The following CDK19 variants were observed in gnomAD, a reference collection of about 807,000 sequenced individuals.
CDK19 encodes the protein cyclin dependent kinase 19, also known as cyclin-dependent kinase 19.
In CDK19, 20 loss-of-function variants were observed where a neutral mutation model predicts 68.3. The observed-to-expected ratio is 0.29, with a 90% CI of 0.21 to 0.43. The LOEUF (loss-of-function observed/expected upper bound fraction) is 0.43, where lower values mean the gene tolerates loss of function less well. Ranked by LOEUF, CDK19 falls within the 20% of genes least tolerant of loss-of-function variation. CDK19 has a pLI of 1.00. For synonymous variants in CDK19, 221 were observed against 222.8 expected, an observed-to-expected ratio of 0.99 and a Z score of 0.07; for missense variants, 339 against 623.5, an observed-to-expected ratio of 0.54 and a Z score of 4.86.
At chr6:110,736,309 C>A (rs942452131) in intron 2 of CDK19, among the ~76,000 whole-genome samples, 1 of 152,142 alleles carries the variant, frequency 6.6e-6, no homozygotes, top group Non-Finnish European at 1.5e-5. Flanking sequence ...CCATTGCACT[C>A]CAGCCTGGGC....
intron 6 of CDK19, among the ~76,000 whole-genome samples, chr6:110,629,784 T>C (rs1779328036): frequency 6.6e-6 from 1 of 152,250 alleles, no homozygotes; most frequent in African/African-American, 2.4e-5. Context: ...TTATTCTTTC[T>C]TTCTGTCTTA....
chr6:110,773,772 A>C (rs1427425227), intron 1 of CDK19: 1 of 152,160 alleles, frequency 6.6e-6, no homozygotes, highest in East Asian at 1.9e-4. Context: ...TTAATGCATC[A>C]TTATAAATTA....
intron 1 of CDK19, among the ~76,000 whole-genome samples, chr6:110,780,508 T>G (rs777489314): frequency 4.6e-5 from 7 of 152,120 alleles, no homozygotes; most frequent in Non-Finnish European, 8.8e-5. Context: ...AAATTTATTT[T>G]AAGACGGTAA....
At chr6:110,688,005 G>A (rs1772634886) in intron 2 of CDK19, among the ~76,000 whole-genome samples, 1 of 152,114 alleles carries the variant, frequency 6.6e-6, no homozygotes, top group East Asian at 1.9e-4. Context: ...TCTCCTCTTT[G>A]AAATGTTCTC....
chr6:110,691,110 C>A (rs568770206), intron 2 of CDK19, among the ~76,000 whole-genome samples: 56 of 152,080 alleles, frequency 3.7e-4, no homozygotes, highest in African/African-American at 1.3e-3. Flanking sequence ...AATGTGAAAA[C>A]CAACATGAAG....
chr6:110,727,987 C>CA (rs34006206), intron 2 of CDK19, among the ~76,000 whole-genome samples: 92,968 of 142,184 alleles, frequency 0.65, 30,761 homozygotes, highest in Admixed American at 0.79. Context: ...GACCCTGTCT[C>CA]AAAAAAAAAA....
chr6:110,725,041 T>C (rs1160432042), intron 2 of CDK19, among the ~76,000 whole-genome samples: 1 of 152,200 alleles, frequency 6.6e-6, no homozygotes, highest in Non-Finnish European at 1.5e-5. Context: ...AAGTACAGAA[T>C]TATTATTGTA....
At chr6:110,622,475 T>C (rs1346295168) in intron 10 of CDK19, among the ~76,000 whole-genome samples, 1 of 152,254 alleles carries the variant, frequency 6.6e-6, no homozygotes, top group Non-Finnish European at 1.5e-5. Flanking sequence ...AGAGGTTTTG[T>C]AGTGCAGTGG....
intron 2 of CDK19, among the ~76,000 whole-genome samples, chr6:110,678,479 TA>T (rs1336183527): frequency 6.6e-6 from 1 of 152,190 alleles, no homozygotes; most frequent in African/African-American, 2.4e-5. Flanking sequence ...TCATTGCAGT[TA>T]TTCAGGCAAA....
chr6:110,761,156 C>T (rs1779203018), intron 1 of CDK19, among the ~76,000 whole-genome samples: 1 of 152,058 alleles, frequency 6.6e-6, no homozygotes, highest in South Asian at 2.1e-4. Context: ...TTTTGTTGCC[C>T]AGGCTGGTCT....
At chr6:110,681,124 T>C (rs537235881) in intron 2 of CDK19, among the ~76,000 whole-genome samples, 13 of 152,312 alleles carry the variant, frequency 8.5e-5, no homozygotes, top group Non-Finnish European at 1.3e-4. Context: ...GATCACTTGA[T>C]GTCTTGAGAT....
chr6:110,785,856 T>C (rs541896791), intron 1 of CDK19, among the ~76,000 whole-genome samples: 6 of 152,106 alleles, frequency 3.9e-5, no homozygotes, highest in Admixed American at 6.5e-5. Flanking sequence ...GGCACATGCC[T>C]GTAATCCCAA....
Position 110,712,023 on chromosome 6 carries a change from G to A in CDK19, c.204+34103C>T, listed in dbSNP as rs11966290. ...GAACTTCAGGTAGTTTTTGGTACTA[G>A]CTAGTAAGATTGGCTACTTTTTTAA... is the stretch of plus-strand genomic sequence containing the variant. On this transcript the variant is annotated intron_variant, in intron 2 of 12. Transcript: ENST00000368911. Among the ~76,000 whole-genome samples the A allele has an allele frequency of 4.4e-3, 675 of 152,286 alleles. 6 individuals are homozygous for A. Among genetic ancestry groups the A allele is most frequent in the African/African-American group, 0.014 (601 of 41,570 alleles).
chr6:110,646,385 C>T (rs1780578120), intron 4 of CDK19: 1 of 1,478,808 alleles, frequency 6.8e-7, no homozygotes, highest in African/African-American at 1.4e-5. Context: ...CCAACGACTT[C>T]TGCCCATGGG....
chr6:110,734,546 T>TCTCTCTCTCTCTCTCTCTCTCTCC, intron 2 of CDK19, among the ~76,000 whole-genome samples: 1 of 149,954 alleles, frequency 6.7e-6, no homozygotes, highest in Non-Finnish European at 1.5e-5. Context: ...TCTCTCTCTC[T>TCTCTCTCTCTCTCTCTCTCTCTCC]CTCTCTCTCT....
At chr6:110,806,772 G>C (rs533081531) in intron 1 of CDK19, among the ~76,000 whole-genome samples, 4 of 152,236 alleles carry the variant, frequency 2.6e-5, no homozygotes, top group African/African-American at 7.2e-5. Flanking sequence ...GAGGTCAGGA[G>C]TTCGAGACCA....
At chr6:110,705,047 T>G (rs997874512) in intron 2 of CDK19, among the ~76,000 whole-genome samples, 5 of 151,532 alleles carry the variant, frequency 3.3e-5, no homozygotes, top group Non-Finnish European at 7.4e-5. Context: ...ATGTAGTTTT[T>G]TTTTTTTTTT....
At chr6:110,644,750 C>A (rs1780439074) in intron 4 of CDK19, among the ~76,000 whole-genome samples, 1 of 152,082 alleles carries the variant, frequency 6.6e-6, no homozygotes, top group African/African-American at 2.4e-5. Context: ...AAACCCAAGT[C>A]CCTCCTTCCT....
intron 4 of CDK19, among the ~76,000 whole-genome samples, chr6:110,650,212 T>G (rs546866782): frequency 6.6e-6 from 1 of 152,192 alleles, no homozygotes; most frequent in Non-Finnish European, 1.5e-5. Context: ...TAGACATTTA[T>G]AAAAATGTGA....
Sources: allele counts gnomAD v4.1 joint callset (sites outside exome capture counted in the v4.1 genomes callset), GRCh38; gene constraint gnomAD v4.1.1; transcripts MANE v1.5; gene names NCBI Gene and HGNC (gene_info 2026-07-23, HGNC 2026-07-21).